Variants in MATN3 observed in about 807,000 individuals in gnomAD.
MATN3 encodes the protein matrilin-3.
Under a neutral mutation model 45.3 loss-of-function variants are expected in MATN3, and 48 were observed. The observed-to-expected ratio is 1.06, with a 90% CI of 0.84 to 1.35. MATN3 has a LOEUF of 1.35. Ranked by LOEUF, MATN3 falls within the 40% of genes most tolerant of loss-of-function variation. The pLI, the probability that MATN3 is intolerant of heterozygous loss-of-function variation, is 0.00. For synonymous variants in MATN3, 217 were observed against 245.9 expected (o/e 0.88, Z 1.10); for missense variants, 599 against 628.0 (o/e 0.95, Z 0.49).
chr2:20,006,105 C>T lies in MATN3; in HGVS notation c.429G>A (p.Lys143=), dbSNP rs377536382. 27 of 1,613,868 alleles carry T rather than the reference C, an allele frequency of 1.7e-5. No homozygotes were observed. Among genetic ancestry groups the T allele is most frequent in the Non-Finnish European group, 2.3e-5 (27 of 1,179,888 alleles). ...GACCCACGGCCTGCTTCAGGGACTG[C>T]TTATCTGTGTAGGCCTGGAGTTGGA... ...IEFQLQAYTD[K]QSLKQAVGRI... Residue 143 remains lysine (K), a synonymous_variant, in exon 2 of 8, where the codon AAG becomes AAA. Coordinates refer to ENST00000407540, the MANE Select transcript of MATN3 (RefSeq NM_002381.5).
chr2:19,999,392 T>G (rs1372409090), intron 5 of MATN3: 1 of 152,564 alleles, frequency 6.6e-6, no homozygotes. Context: ...TCACCCTCCT[T>G]CAAGGCCCAC....
chr2:20,007,868 G>A (rs1317646012), intron 1 of MATN3, among the ~76,000 whole-genome samples: 2 of 152,074 alleles, frequency 1.3e-5, no homozygotes, highest in Non-Finnish European at 2.9e-5. Flanking sequence ...GTTCTTTCCT[G>A]TTTCCCCCAA....
Position 20,003,255 on chromosome 2 carries a change from C to T in MATN3, c.822G>A (p.Gln274=), listed in dbSNP as rs1401043626. The T allele has an allele frequency of 1.1e-5, 17 of 1,613,822 alleles. No individual in the cohort carries two copies. The highest frequency in any genetic ancestry group is 1.7e-5 in the Admixed American group (1 of 59,998). Residue 274 remains glutamine, a synonymous_variant, in exon 3 of 8, where the codon CAG becomes CAA. Transcript: ENST00000407540. The part of the protein sequence containing the change: ...ALDPCVLGTH[Q]CQHVCISDGE... ...CATCACTGATGCAGACGTGCTGGCA[C>T]TGGTGTGTTCCAAGCACACAGGGGT... is the stretch of plus-strand genomic sequence containing the variant.
intron 6 of MATN3, among the ~76,000 whole-genome samples, chr2:19,996,044 C>A (rs1017283030): frequency 1.3e-5 from 2 of 152,110 alleles, no homozygotes; most frequent in African/African-American, 4.8e-5. Flanking sequence ...CAGTGTCTGT[C>A]GTGCCTGATA....
At chr2:20,000,698 T>C in intron 4 of MATN3, 132 bp from the exon 5 acceptor site, 2 of 819,428 alleles carry the variant, frequency 2.4e-6, no homozygotes, top group Non-Finnish European at 3.7e-6. Flanking sequence ...CCATTGGCAC[T>C]GTTTTTTTCT....
intron 6 of MATN3, among the ~76,000 whole-genome samples, chr2:19,996,086 T>G (rs1313772934): frequency 6.6e-6 from 1 of 152,116 alleles, no homozygotes; most frequent in African/African-American, 2.4e-5. Flanking sequence ...ATGGGTTCAG[T>G]GGGATAGTCT....
intron 2 of MATN3, 72 bp from the exon 3 acceptor site, chr2:20,003,358 T>A: frequency 6.9e-7 from 1 of 1,448,682 alleles, no homozygotes; most frequent in East Asian, 2.4e-5. Flanking sequence ...CCCATGTCAA[T>A]AGACATTGCT....
At chr2:19,993,263 T>C (rs1672795788) in intron 7 of MATN3, 97 bp from the exon 8 acceptor site, 4 of 949,296 alleles carry the variant, frequency 4.2e-6, no homozygotes, top group Non-Finnish European at 6.5e-6. Context: ...TTATGTCCTA[T>C]GAGAAGTGAA....
Position 19,992,739 on chromosome 2 carries a change from T to A in MATN3, c.*372A>T, listed in dbSNP as rs1192328060. 1.5e-5 allele frequency: 3 copies of A among 203,192 alleles called. No individual in the cohort carries two copies. The highest frequency in any genetic ancestry group is 2.9e-5 in the Non-Finnish European group (3 of 102,238). The allele number at this position is 203,192 out of a possible 1,614,324, so 12.6% of individuals were successfully genotyped here. On this transcript the variant is annotated 3_prime_UTR_variant, in exon 8 of 8. Coordinates refer to ENST00000407540, the MANE Select transcript of MATN3 (RefSeq NM_002381.5). ...AGATTGATTTATATTATAAATACTATCAAAAGAAACTAGACCTAAAGTTTC... is the reference window on the plus strand; with the variant it reads ...AGATTGATTTATATTATAAATACTAACAAAAGAAACTAGACCTAAAGTTTC...
chr2:20,002,759 C>T (rs1673011827), intron 3 of MATN3, among the ~76,000 whole-genome samples: 1 of 150,740 alleles, frequency 6.6e-6, no homozygotes, highest in South Asian at 2.1e-4. Flanking sequence ...ACCACCACAC[C>T]TGGCTTTTTT....
chr2:19,994,568 A>AAAATACTTATCAC (rs1672824565), intron 6 of MATN3, among the ~76,000 whole-genome samples, 159 bp from the exon 7 acceptor site: 1 of 152,256 alleles, frequency 6.6e-6, no homozygotes, highest in African/African-American at 2.4e-5. Flanking sequence ...AAAAGACGAG[A>AAAATACTTATCAC]AAATACTTAT....
Position 20,012,319 on chromosome 2 carries a change from G to C in MATN3, c.223+90C>G. The C allele has an allele frequency of 3.9e-6, 4 of 1,018,834 alleles. No individual in the cohort carries two copies. The highest frequency in any genetic ancestry group is 3.3e-5 in the East Asian group (1 of 30,250). The allele number at this position is 1,018,834 out of a possible 1,614,324, so 63.1% of individuals were successfully genotyped here. A position where few individuals can be genotyped will look rare whatever the true frequency, so the allele number is the denominator to read the frequency against. ...GGCCTCTTTCCCCCGCACCACGGTC[G>C]GCCTGAGGCCGGGATGAAGCGCGCT... On this transcript the variant is annotated intron_variant, in intron 1 of 7. Coordinates refer to ENST00000407540, the MANE Select transcript of MATN3 (RefSeq NM_002381.5). The surrounding 1 kb of genome is among the most constrained non-coding windows in gnomAD (Gnocchi z 4.3).
At chr2:20,010,067 TAAAA>T (rs57140153) in intron 1 of MATN3, among the ~76,000 whole-genome samples, 30,415 of 69,132 alleles carry the variant, frequency 0.44, 5,442 homozygotes, top group Middle Eastern at 0.61. Flanking sequence ...CTTCAAATAC[TAAAA>T]AAAAAAAAAA....
chr2:20,005,956 A>T lies in MATN3; in HGVS notation c.578T>A (p.Ile193Asn), dbSNP rs751612128. The T allele has an allele frequency of 2.2e-5, 35 of 1,613,812 alleles. No individual in the cohort carries two copies. The highest frequency in any genetic ancestry group is 8.3e-5 in the Admixed American group (5 of 60,008). Residue 193 changes from isoleucine to asparagine, a missense_variant, in exon 2 of 8, where the codon ATT becomes AAT. Coordinates refer to ENST00000407540, the MANE Select transcript of MATN3 (RefSeq NM_002381.5). ...PSSNIPKVAIIVTDGRPQDQV... is the reference protein window; with the variant it reads ...PSSNIPKVAINVTDGRPQDQV... ...GTCCTGGGGCCTCCCATCTGTAACAATGATGGCCACCTTAGGGATGTTAGA... is the reference window on the plus strand; with the variant it reads ...GTCCTGGGGCCTCCCATCTGTAACATTGATGGCCACCTTAGGGATGTTAGA...
Position 20,012,307 on chromosome 2 carries a change from C to T in MATN3, c.223+102G>A, listed in dbSNP as rs2103487001. ...TCATCCGGGAGGGGCCTCTTTCCCC[C>T]GCACCACGGTCGGCCTGAGGCCGGG... On this transcript the variant is annotated intron_variant, in intron 1 of 7. Coordinates refer to ENST00000407540, the MANE Select transcript of MATN3 (RefSeq NM_002381.5). The surrounding 1 kb of genome is among the most constrained non-coding windows in gnomAD (Gnocchi z 4.3). 1 of 916,480 alleles carries T rather than the reference C, an allele frequency of 1.1e-6. No homozygotes were observed. Among genetic ancestry groups the T allele is most frequent in the Non-Finnish European group, 1.4e-6 (1 of 702,810 alleles). The allele number at this position is 916,480 out of a possible 1,614,324, so 56.8% of individuals were successfully genotyped here. A position where few individuals can be genotyped will look rare whatever the true frequency, so the allele number is the denominator to read the frequency against.
At chr2:19,994,257 G>A (rs371504208) in intron 7 of MATN3, 42 bp downstream of exon 7, 7 of 1,336,636 alleles carry the variant, frequency 5.2e-6, no homozygotes, top group Non-Finnish European at 7.5e-6. Context: ...TAGTACCTTG[G>A]TTGGCTCCAG....
At position 20,001,973 on chromosome 2, in the gene MATN3, C is replaced by A. The variant is rs1471264765; in HGVS notation, c.1024G>T (p.Asp342Tyr). Residue 342 changes from aspartate (D) to tyrosine (Y), a missense_variant, in exon 4 of 8, where the codon GAC becomes TAC. Asp to Tyr is a radical substitution (Grantham distance 160). Transcript: ENST00000407540. ...ECYEGYTLNEDRKTCSAQDKC... is the reference protein window; with the variant it reads ...ECYEGYTLNEYRKTCSAQDKC... ...CACTTACCTGAACAAGTTTTCCTGT[C>A]TTCATTCAAGGTATAACCTTCATAG... The A allele has an allele frequency of 6.2e-7, 1 of 1,613,398 alleles. No individual in the cohort carries two copies. The highest frequency in any genetic ancestry group is 8.5e-7 in the Non-Finnish European group (1 of 1,179,582).
chr2:20,009,221 T>G (rs1166598277), intron 1 of MATN3, among the ~76,000 whole-genome samples: 1 of 135,984 alleles, frequency 7.4e-6, no homozygotes, highest in Non-Finnish European at 1.5e-5. Flanking sequence ...TGAGACCCAG[T>G]CTCTAAAAGC....
At chr2:19,993,778 A>C (rs1263237753) in intron 7 of MATN3, among the ~76,000 whole-genome samples, 1 of 152,224 alleles carries the variant, frequency 6.6e-6, no homozygotes, top group Non-Finnish European at 1.5e-5. Context: ...CAGAGTTGTT[A>C]ACTTGAACTG....
Sources: gnomAD v4.1 joint callset for allele counts (sites outside exome capture counted in the v4.1 genomes callset) on GRCh38, gnomAD v4.1.1 for gene constraint, Gnocchi (gnomAD v3.1) non-coding constraint, MANE v1.5 for transcripts, NCBI Gene and HGNC (gene_info 2026-07-23, HGNC 2026-07-21) for gene names.